NCOA1: variants seen among roughly 807,000 people sequenced by gnomAD.
NCOA1 encodes Hin-2 protein.
In NCOA1, 35 loss-of-function variants were observed where a neutral mutation model predicts 150.9. That is an observed-to-expected ratio of 0.23 (90% CI 0.18 to 0.31). The LOEUF (loss-of-function observed/expected upper bound fraction) is 0.31, where lower values mean the gene tolerates loss of function less well. NCOA1 is among the 10% of genes least tolerant of loss of function. The pLI, the probability that NCOA1 is intolerant of heterozygous loss-of-function variation, is 1.00. For missense variants in NCOA1, 1,491 were observed against 1,749.3 expected, an observed-to-expected ratio of 0.85 and a Z score of 2.63; for synonymous variants, 590 against 630.0, an observed-to-expected ratio of 0.94 and a Z score of 0.95.
At chr2:24,763,306 G>A (rs1025018302) in intron 22 of NCOA1, among the ~76,000 whole-genome samples, 6 of 152,000 alleles carry the variant, frequency 3.9e-5, no homozygotes, top group Admixed American at 6.6e-5. Flanking sequence ...TTGGGAGGCC[G>A]AGGCGGGCGG....
chr2:24,713,790 G>A (rs538169559), intron 14 of NCOA1, among the ~76,000 whole-genome samples: 39 of 152,226 alleles, frequency 2.6e-4, no homozygotes, highest in Non-Finnish European at 4.0e-4. Flanking sequence ...AAATAAGCAC[G>A]GATATTTTAC....
intron 3 of NCOA1, among the ~76,000 whole-genome samples, chr2:24,584,915 T>C (rs563242504): frequency 6.6e-5 from 10 of 152,368 alleles, no homozygotes; most frequent in Admixed American, 4.6e-4. Context: ...GTGACTGATA[T>C]TGATATTTTA....
Position 24,665,739 on chromosome 2 carries a change from T to C in NCOA1, c.90-10T>C. On this transcript the variant is annotated splice_polypyrimidine_tract_variant and intron_variant, in intron 5 of 22. Transcript: ENST00000348332. Reference sequence around the variant, plus strand: ...AAATGTACACTAACTGGATTTTCTTTGTGTAACAGCACGGAAAAGAGGCGC... The same window carrying C: ...AAATGTACACTAACTGGATTTTCTTCGTGTAACAGCACGGAAAAGAGGCGC... 1.3e-6 allele frequency: 2 copies of C among 1,495,936 alleles called. No individual in the cohort carries two copies. The highest frequency in any genetic ancestry group is 1.8e-6 in the Non-Finnish European group (2 of 1,114,648). The allele number at this position is 1,495,936 out of a possible 1,614,324, so 92.7% of individuals were successfully genotyped here. A position where few individuals can be genotyped will look rare whatever the true frequency, so the allele number is the denominator to read the frequency against.
chr2:24,545,897 A>G (rs1174480713), intron 1 of NCOA1, among the ~76,000 whole-genome samples: 4 of 152,120 alleles, frequency 2.6e-5, no homozygotes, highest in Admixed American at 6.5e-5. Flanking sequence ...GGTTCAAGCA[A>G]TCCTGCCTCA....
intron 3 of NCOA1, among the ~76,000 whole-genome samples, chr2:24,609,602 G>T (rs1668531046): frequency 1.3e-5 from 2 of 152,108 alleles, no homozygotes; most frequent in Non-Finnish European, 2.9e-5. Context: ...TGCACCTCCA[G>T]CCTGGGTAAC....
intron 6 of NCOA1, among the ~76,000 whole-genome samples, chr2:24,666,997 C>G (rs1033862899): frequency 6.6e-6 from 1 of 152,196 alleles, no homozygotes; most frequent in African/African-American, 2.4e-5. Flanking sequence ...AGAAAAAGTG[C>G]TTCTGAGGGT....
rs540514897 is a variant in NCOA1, at chr2:24,588,727, G to C, written c.-175+4167G>C. ...ACCTCAGGTCTTTAGTAGGAGAAGA[G>C]GTAGATGAATGGGCTCACTCTGCCA... On this transcript the variant is annotated intron_variant, in intron 3 of 22. Coordinates refer to ENST00000348332, the MANE Select transcript of NCOA1 (RefSeq NM_003743.5). 5.3e-5 allele frequency among the ~76,000 whole-genome samples: 8 copies of C among 152,256 alleles called. No homozygotes were observed. The South Asian group carries it at 1.7e-3, about 32-fold the overall frequency.
intron 8 of NCOA1, among the ~76,000 whole-genome samples, chr2:24,689,383 T>TC (rs964368329): frequency 1.5e-4 from 23 of 152,258 alleles, no homozygotes; most frequent in African/African-American, 5.5e-4. Context: ...GTTTGTGTCA[T>TC]CTCTGATTTC....
chr2:24,605,161 T>C (rs977443532), intron 3 of NCOA1, among the ~76,000 whole-genome samples: 4 of 152,088 alleles, frequency 2.6e-5, no homozygotes, highest in East Asian at 3.8e-4. Flanking sequence ...ATAAGAGAGA[T>C]AATAATAATG....
chr2:24,536,347 T>C (rs904124889), intron 1 of NCOA1, among the ~76,000 whole-genome samples: 2 of 152,188 alleles, frequency 1.3e-5, no homozygotes. Context: ...AGTTAGCCAT[T>C]CGCCTAACCT....
intron 1 of NCOA1, among the ~76,000 whole-genome samples, chr2:24,552,900 G>A (rs1224660553): frequency 6.6e-6 from 1 of 151,756 alleles, no homozygotes; most frequent in African/African-American, 2.4e-5. Context: ...TAATCCTTTG[G>A]GATTTTCTAT....
intron 3 of NCOA1, among the ~76,000 whole-genome samples, chr2:24,587,850 A>G (rs552659884): frequency 4.3e-4 from 66 of 152,338 alleles, no homozygotes; most frequent in African/African-American, 1.6e-3. Flanking sequence ...TCCTGGTCCC[A>G]TGGACAAAAA....
intron 17 of NCOA1, among the ~76,000 whole-genome samples, chr2:24,732,137 A>G (rs1325104504): frequency 1.3e-5 from 2 of 151,836 alleles, no homozygotes; most frequent in Non-Finnish European, 2.9e-5. Flanking sequence ...CTTGATTCAG[A>G]AAAAAAAAGT....
In NCOA1 at chr2:24,492,279, A is replaced by C. The variant is rs1378501838; in HGVS notation, c.-396+677A>C. The C allele has an allele frequency of 2.6e-5, 4 of 152,310 alleles. No homozygotes were observed. In the East Asian group the frequency reaches 7.7e-4, roughly 29 times the overall value. 9.4% of individuals were successfully genotyped at this position (152,310 alleles called of 1,614,324 possible). A position where few individuals can be genotyped will look rare whatever the true frequency, so the allele number is the denominator to read the frequency against. On this transcript the variant is annotated intron_variant, in intron 1 of 22. Transcript: ENST00000348332. Reference sequence around the variant, plus strand: ...TCAGCCGAAAGGGCCGAGGAAGGGAAGCAAACATGTTGACGAGGCGATTGG... The same window carrying C: ...TCAGCCGAAAGGGCCGAGGAAGGGACGCAAACATGTTGACGAGGCGATTGG...
rs576224587 is a variant in NCOA1, at chr2:24,547,274, T to C, written c.-395-17021T>C. ...ATTAAAATTATTGACCTTAATTTAA[T>C]AGAAGAGATTTTGGGATAATGGGAG... On this transcript the variant is annotated intron_variant, in intron 1 of 22. Transcript: ENST00000348332. Among the ~76,000 whole-genome samples, 8 of 152,362 alleles carry C rather than the reference T, an allele frequency of 5.3e-5. No individual in the cohort carries two copies. The South Asian group carries it at 1.7e-3, about 32-fold the overall frequency.
At chr2:24,518,657 A>C (rs183202266) in intron 1 of NCOA1, among the ~76,000 whole-genome samples, 42 of 152,342 alleles carry the variant, frequency 2.8e-4, no homozygotes, top group African/African-American at 1.0e-3. Flanking sequence ...ATATGTAGAC[A>C]TGAATTGTAT....
intron 3 of NCOA1, among the ~76,000 whole-genome samples, chr2:24,613,748 A>T (rs1403746795): frequency 5.3e-5 from 8 of 152,040 alleles, no homozygotes; most frequent in Admixed American, 5.2e-4. Context: ...TGGGGCAGAG[A>T]GTGCCCTGCT....
At chr2:24,606,687 A>C (rs951156400) in intron 3 of NCOA1, among the ~76,000 whole-genome samples, 1 of 152,164 alleles carries the variant, frequency 6.6e-6, no homozygotes, top group Non-Finnish European at 1.5e-5. Context: ...ATAGTGAGAA[A>C]TACCATGTTA....
intron 11 of NCOA1, among the ~76,000 whole-genome samples, chr2:24,704,594 T>C (rs1003288034): frequency 5.9e-5 from 9 of 152,050 alleles, no homozygotes; most frequent in African/African-American, 2.2e-4. Context: ...CTGACCAACA[T>C]GGTGAAACCC....
Sources: allele counts gnomAD v4.1 joint callset (sites outside exome capture counted in the v4.1 genomes callset), GRCh38; gene constraint gnomAD v4.1.1; transcripts MANE v1.5; gene names NCBI Gene and HGNC (gene_info 2026-07-23, HGNC 2026-07-21).